The following NAE1 variants were observed in gnomAD, a reference collection of about 807,000 sequenced individuals.
NAE1 encodes NEDD8 activating enzyme E1 subunit 1.
NAE1 carries 59 observed loss-of-function variants against 88.0 expected under a neutral mutation model. That is an observed-to-expected ratio of 0.67 (90% CI 0.54 to 0.83). NAE1 has a LOEUF of 0.83. Ranked by LOEUF, NAE1 falls within the 40% of genes least tolerant of loss-of-function variation. The pLI, the probability that NAE1 is intolerant of heterozygous loss-of-function variation, is 0.00. For synonymous variants in NAE1, 186 were observed against 208.9 expected (o/e 0.89, Z 0.95); for missense variants, 554 against 632.8 (o/e 0.88, Z 1.34).
chr16:66,809,145 T>G (rs1959690018), intron 15 of NAE1, 70 bp from the exon 16 acceptor site: 1 of 1,213,566 alleles, frequency 8.2e-7, no homozygotes, highest in African/African-American at 1.5e-5. Context: ...CAGGTGACTT[T>G]AAGAACAGAG....
intron 13 of NAE1, 153 bp downstream of exon 13, chr16:66,813,411 G>T: frequency 1.1e-6 from 1 of 922,350 alleles, no homozygotes; most frequent in Non-Finnish European, 1.6e-6. Flanking sequence ...AAAGTGTTGG[G>T]ATTACAGGCA....
rs373607253 is a variant in NAE1 at position 66,823,266 on chromosome 16, C to A, written c.362G>T (p.Cys121Phe). 1.9e-6 allele frequency: 3 copies of A among 1,604,818 alleles called. No individual in the cohort carries two copies. The highest frequency in any genetic ancestry group is 2.7e-5 in the African/African-American group (2 of 74,378). ...AGTTGCAACTACAACAGTAAACCTACAGAAAAATGAGGGATCATTGTCTAG... is the reference window on the plus strand; with the variant it reads ...AGTTGCAACTACAACAGTAAACCTAAAGAAAAATGAGGGATCATTGTCTAG... ...NLLDNDPSFF[C>F]RFTVVVATQL... The change falls in exon 6 of 20, where the codon TGT becomes TTT. Residue 121 changes from cysteine to phenylalanine, a missense_variant. Coordinates refer to ENST00000290810, the MANE Select transcript of NAE1 (RefSeq NM_003905.4).
intron 3 of NAE1, among the ~76,000 whole-genome samples, chr16:66,825,345 G>A (rs1324392595): frequency 3.3e-5 from 5 of 151,834 alleles, no homozygotes; most frequent in Non-Finnish European, 7.4e-5. Context: ...TACTCGGAAG[G>A]CTGAGGTAGG....
chr16:66,813,589 C>T lies in NAE1; in HGVS notation c.1009G>A (p.Gly337Ser). Reference protein sequence around the residue: ...GTIPDMIADSGKYIKLQNVYR... With the variant: ...GTIPDMIADSSKYIKLQNVYR... ...ACGTTTTGCAGTTTTATATATTTGC[C>T]TGAATCTGCAATCATATCAGGAATT... Residue 337 changes from glycine (G) to serine (S), a missense_variant, in exon 13 of 20, where the codon GGC (glycine) becomes AGC (serine). Physicochemically the swap from Gly to Ser is moderately conservative, Grantham distance 56 (BLOSUM62 0). Transcript: ENST00000290810. 1 of 1,612,860 alleles carries T rather than the reference C, an allele frequency of 6.2e-7. No homozygotes were observed. The highest frequency in any genetic ancestry group is 8.5e-7 in the Non-Finnish European group (1 of 1,179,540).
intron 1 of NAE1, among the ~76,000 whole-genome samples, chr16:66,829,249 A>G (rs775226504): frequency 2.0e-5 from 3 of 152,236 alleles, no homozygotes; most frequent in Non-Finnish European, 4.4e-5. Context: ...AGTAACCTCA[A>G]CTATCTTCTC....
chr16:66,823,633 G>A, intron 4 of NAE1, 33 bp from the exon 5 acceptor site: 1 of 1,561,944 alleles, frequency 6.4e-7, no homozygotes, highest in Non-Finnish European at 8.7e-7. Context: ...ACTTGAATTA[G>A]AAAAAACTTG....
intron 4 of NAE1, 113 bp downstream of exon 4, chr16:66,824,742 A>T: frequency 1.0e-6 from 1 of 967,910 alleles, no homozygotes; most frequent in Non-Finnish European, 1.5e-6. Flanking sequence ...AAAATTAGTT[A>T]ACTTTTTTCT....
At chr16:66,818,094 T>C (rs1284853761) in intron 8 of NAE1, among the ~76,000 whole-genome samples, 2 of 152,212 alleles carry the variant, frequency 1.3e-5, no homozygotes, top group East Asian at 3.8e-4. Context: ...CTCAAGCGTT[T>C]ATCCTTTATG....
chr16:66,817,151 C>G (rs1197624552), intron 9 of NAE1, 123 bp from the exon 10 acceptor site: 2 of 1,302,846 alleles, frequency 1.5e-6, no homozygotes, highest in East Asian at 2.6e-5. Context: ...TCTGTGAAAT[C>G]AGAGGCTCAC....
rs1960055539 is a variant in NAE1 at position 66,816,678 on chromosome 16, G to A, written c.749-6C>T. 1.3e-6 allele frequency: 2 copies of A among 1,584,860 alleles called. No individual in the cohort carries two copies. Among genetic ancestry groups the A allele is most frequent in the East Asian group, 2.2e-5 (1 of 44,616 alleles). On this transcript the variant is annotated splice_region_variant and splice_polypyrimidine_tract_variant and intron_variant, in intron 10 of 19. Transcript: ENST00000290810. ...ATTTTCATTTTTTAGAATTCCTATT[G>A]TAATGGGAAATTGTTAGCAAACAGC... is the stretch of plus-strand genomic sequence containing the variant.
Position 66,810,781 on chromosome 16 carries a change from G to T in NAE1, c.1035-9C>A. The T allele has an allele frequency of 6.2e-7, 1 of 1,611,276 alleles. No homozygotes were observed. Among genetic ancestry groups the T allele is most frequent in the Non-Finnish European group, 8.5e-7 (1 of 1,179,156 alleles). On this transcript the variant is annotated splice_polypyrimidine_tract_variant and intron_variant, in intron 13 of 19. Transcript: ENST00000290810. ...TTGCTTTTTCACGGTAACTAAAAAA[G>T]AATAAAAAGCAATTACTAACAAATT...
intron 11 of NAE1, among the ~76,000 whole-genome samples, chr16:66,814,965 A>G (rs1959983019): frequency 6.6e-6 from 1 of 152,180 alleles, no homozygotes; most frequent in Non-Finnish European, 1.5e-5. Context: ...GCCTTTGCAC[A>G]TGTGCTCCCT....
At chr16:66,806,265 T>C (rs913303423) in intron 17 of NAE1, 3 of 356,464 alleles carry the variant, frequency 8.4e-6, no homozygotes, top group Non-Finnish European at 1.0e-5. Flanking sequence ...ATTCACTGTC[T>C]AGAAAAGCAT....
intron 15 of NAE1, 34 bp from the exon 16 acceptor site, chr16:66,809,109 C>G: frequency 6.7e-7 from 1 of 1,500,770 alleles, no homozygotes; most frequent in African/African-American, 1.4e-5. Flanking sequence ...GAAGTAATGA[C>G]TGTGACTGGT....
intron 13 of NAE1, among the ~76,000 whole-genome samples, chr16:66,812,032 A>C (rs1028902526): frequency 6.6e-6 from 1 of 152,212 alleles, no homozygotes; most frequent in Non-Finnish European, 1.5e-5. Context: ...GTGATAGTCT[A>C]TCTGGGTTCA....
chr16:66,806,973 T>G (rs1959589989), intron 17 of NAE1, among the ~76,000 whole-genome samples: 1 of 152,174 alleles, frequency 6.6e-6, no homozygotes, highest in Non-Finnish European at 1.5e-5. Context: ...AGAAGCCAAC[T>G]GACATGCCAA....
intron 17 of NAE1, 152 bp downstream of exon 17, chr16:66,808,369 A>T (rs1959656240): frequency 1.7e-6 from 1 of 577,130 alleles, no homozygotes; most frequent in African/African-American, 2.0e-5. Flanking sequence ...TTAAAAAACA[A>T]AAGGTGGTTC....
At chr16:66,825,048 A>C (rs556130688) in intron 3 of NAE1, among the ~76,000 whole-genome samples, 163 bp from the exon 4 acceptor site, 23 of 152,246 alleles carry the variant, frequency 1.5e-4, no homozygotes, top group Non-Finnish European at 2.9e-4. Context: ...TGGAACTTAT[A>C]AAGAAAGATA....
At position 66,805,996 on chromosome 16, in the gene NAE1, A is replaced by G. The variant is rs773607160; in HGVS notation, c.1361T>C (p.Ile454Thr). 13 of 1,612,874 alleles carry G rather than the reference A, an allele frequency of 8.1e-6. No individual in the cohort carries two copies. The highest frequency in any genetic ancestry group is 4.5e-5 in the East Asian group (2 of 44,848). ...GVSNYQVEED[I>T]GKLKSCLTGF... ...AGTGAGACAAGACTTCAACTTTCCT[A>G]TATCTTCTTCAACTTGATAGTTAGA... Residue 454 changes from isoleucine to threonine, a missense_variant, in exon 18 of 20, where the codon ATA (isoleucine) becomes ACA (threonine). Ile to Thr is a moderately conservative substitution (Grantham distance 89, BLOSUM62 -1). Transcript: ENST00000290810.
Sources: gnomAD v4.1 joint callset for allele counts (sites outside exome capture counted in the v4.1 genomes callset) on GRCh38, gnomAD v4.1.1 for gene constraint, MANE v1.5 for transcripts, NCBI Gene and HGNC (gene_info 2026-07-23, HGNC 2026-07-21) for gene names.